Variants in AGMO observed in about 807,000 individuals in gnomAD.
AGMO encodes alkylglycerol monooxygenase.
A neutral mutation model predicts 60.2 loss-of-function variants in AGMO; 75 were observed. That is an observed-to-expected ratio of 1.25 (90% CI 1.03 to 1.51). The LOEUF is 1.51. Among genes scored for constraint, AGMO ranks in the 40% most tolerant of loss-of-function variants. AGMO has a pLI of 0.00. For missense variants in AGMO, 763 were observed against 525.5 expected (o/e 1.45, Z -4.42); for synonymous variants, 261 against 177.1 (o/e 1.47, Z -3.76).
At position 15,354,484 on chromosome 7, in the gene AGMO, ATATACACACG is replaced by A. The variant is rs1782432260; in HGVS notation, c.1263+11020_1263+11029del. Among the ~76,000 whole-genome samples the A allele has an allele frequency of 5.2e-4, 12 of 22,946 alleles. 1 individual carries two copies. The highest frequency in any genetic ancestry group is 1.6e-3 in the African/African-American group (10 of 6,134). The allele number at this position is 22,946 out of a possible 152,430, so 15.1% of individuals were successfully genotyped here. ...CACGTGTGTGTATACACACGTGTGT[ATATACACACG>A]TGTATATATATATATATATATATAT... On this transcript the variant is annotated intron_variant, in intron 12 of 12. Coordinates refer to ENST00000342526, the MANE Select transcript of AGMO (RefSeq NM_001004320.2).
chr7:15,406,069 G>A (rs1320514602), intron 5 of AGMO, among the ~76,000 whole-genome samples: 2 of 151,566 alleles, frequency 1.3e-5, no homozygotes, highest in Non-Finnish European at 2.9e-5. Context: ...CCAGCTTCAG[G>A]TAGCTCAGTA....
chr7:15,169,015 G>T, the AGMO span, among the ~76,000 whole-genome samples: 231 of 152,232 alleles, frequency 1.5e-3, no homozygotes, highest in African/African-American at 5.2e-3. Context: ...GTTGTCCTAG[G>T]GGCTAATCCC....
At chr7:15,518,275 C>T (rs963472188) in intron 3 of AGMO, among the ~76,000 whole-genome samples, 2 of 152,174 alleles carry the variant, frequency 1.3e-5, no homozygotes, top group Non-Finnish European at 2.9e-5. Flanking sequence ...TGCCTGCTGG[C>T]TCTGAACAGA....
intron 12 of AGMO, among the ~76,000 whole-genome samples, chr7:15,324,316 T>C (rs1274645279): frequency 1.3e-5 from 2 of 152,152 alleles, no homozygotes; most frequent in African/African-American, 4.8e-5. Context: ...TGTCCCCACG[T>C]GTTTGTCTCC....
chr7:15,342,716 CATT>C (rs780165899), intron 12 of AGMO, among the ~76,000 whole-genome samples: 1 of 128,290 alleles, frequency 7.8e-6, no homozygotes, highest in Non-Finnish European at 1.6e-5. Flanking sequence ...ACTGTCATCT[CATT>C]AATTTTCTGA....
chr7:15,325,660 T>C (rs2128541955), intron 12 of AGMO, among the ~76,000 whole-genome samples: 1 of 152,244 alleles, frequency 6.6e-6, no homozygotes, highest in African/African-American at 2.4e-5. Context: ...AAAAGAAATG[T>C]CATGTAAAAA....
intron 12 of AGMO, among the ~76,000 whole-genome samples, chr7:15,292,528 G>A (rs531034145): frequency 6.6e-6 from 1 of 152,122 alleles, no homozygotes; most frequent in Non-Finnish European, 1.5e-5. Context: ...GAACATGATA[G>A]TGAGTTCAAT....
At chr7:15,528,857 A>G (rs957769133) in intron 3 of AGMO, among the ~76,000 whole-genome samples, 5 of 152,106 alleles carry the variant, frequency 3.3e-5, no homozygotes, top group Admixed American at 6.6e-5. Flanking sequence ...CATGTTGGTC[A>G]GGCTGGTCTC....
intron 3 of AGMO, among the ~76,000 whole-genome samples, chr7:15,452,287 A>G (rs182555364): frequency 1.3e-5 from 2 of 152,186 alleles, no homozygotes; most frequent in Non-Finnish European, 2.9e-5. Context: ...CTATCAAAAA[A>G]TTGAAAAAAC....
chr7:15,315,642 T>C (rs546056356), intron 12 of AGMO, among the ~76,000 whole-genome samples: 1 of 152,238 alleles, frequency 6.6e-6, no homozygotes, highest in South Asian at 2.1e-4. Context: ...TATTTAGCTC[T>C]GAAGTTTTTA....
intron 3 of AGMO, among the ~76,000 whole-genome samples, chr7:15,439,173 C>A (rs1781482943): frequency 6.6e-6 from 1 of 152,094 alleles, no homozygotes; most frequent in Non-Finnish European, 1.5e-5. Context: ...CCAAGGTGGG[C>A]ATATCACGAA....
At chr7:15,125,273 C>T in the AGMO span, among the ~76,000 whole-genome samples, 1 of 152,036 alleles carries the variant, frequency 6.6e-6, no homozygotes, top group Non-Finnish European at 1.5e-5. Flanking sequence ...GCCCTCAGAG[C>T]ACAGAGGCTG....
chr7:15,414,134 G>A lies in AGMO; in HGVS notation c.609+4424C>T, dbSNP rs377697046. On this transcript the variant is annotated intron_variant, in intron 5 of 12. Coordinates refer to ENST00000342526, the MANE Select transcript of AGMO (RefSeq NM_001004320.2). ...GCCATTCTCCTGCCTCAGCCTCCCA[G>A]GTAGAAGGAACTACAGGTGCCTGCC... 9.2e-5 allele frequency among the ~76,000 whole-genome samples: 14 copies of A among 151,868 alleles called. No individual in the cohort carries two copies. The East Asian group carries it at 2.5e-3, about 27-fold the overall frequency.
chr7:15,405,638 A>G (rs1051837563), intron 5 of AGMO, among the ~76,000 whole-genome samples: 2 of 151,944 alleles, frequency 1.3e-5, no homozygotes, highest in South Asian at 2.1e-4. Flanking sequence ...CATTGAAAAC[A>G]TATTATGTTC....
At chr7:15,152,503 C>G in the AGMO span, among the ~76,000 whole-genome samples, 1 of 152,148 alleles carries the variant, frequency 6.6e-6, no homozygotes, top group Non-Finnish European at 1.5e-5. Flanking sequence ...CCCTCCCACC[C>G]TTTCACCTGA....
intron 12 of AGMO, among the ~76,000 whole-genome samples, chr7:15,271,858 G>T (rs1037388219): frequency 7.9e-5 from 12 of 151,996 alleles, no homozygotes; most frequent in African/African-American, 2.2e-4. Flanking sequence ...ACTGGTTTGT[G>T]GAGGGTTTTT....
intron 3 of AGMO, among the ~76,000 whole-genome samples, chr7:15,526,887 T>C (rs537384119): frequency 1.3e-5 from 2 of 152,326 alleles, no homozygotes; most frequent in East Asian, 1.9e-4. Flanking sequence ...TATTATTGTA[T>C]CTGTAATGGT....
intron 12 of AGMO, among the ~76,000 whole-genome samples, chr7:15,282,576 A>C (rs893591618): frequency 1.3e-5 from 2 of 152,214 alleles, no homozygotes; most frequent in South Asian, 2.1e-4. Context: ...GAAATATGAA[A>C]TTATTTAAAA....
chr7:15,226,001 TATG>T (rs1782070785), intron 12 of AGMO, among the ~76,000 whole-genome samples: 1 of 152,028 alleles, frequency 6.6e-6, no homozygotes, highest in Non-Finnish European at 1.5e-5. Flanking sequence ...AATCAGCTTC[TATG>T]ATGATGTGTG....
Sources: gnomAD v4.1 joint callset for allele counts (sites outside exome capture counted in the v4.1 genomes callset) on GRCh38, gnomAD v4.1.1 for gene constraint, MANE v1.5 for transcripts, NCBI Gene and HGNC (gene_info 2026-07-23, HGNC 2026-07-21) for gene names.